The following ESYT2 variants were observed in gnomAD, a reference collection of about 807,000 sequenced individuals.
The protein encoded by ESYT2 is extended synaptotagmin-2.
Under a neutral mutation model 107.2 loss-of-function variants are expected in ESYT2, and 54 were observed. That is an observed-to-expected ratio of 0.50 (90% confidence interval 0.40 to 0.63). The LOEUF is 0.63. Ranked by LOEUF, ESYT2 falls within the 30% of genes least tolerant of loss-of-function variation. The pLI is 0.00. For synonymous variants in ESYT2, 491 were observed against 434.1 expected, an observed-to-expected ratio of 1.13 and a Z score of -1.63; for missense variants, 1,020 against 1,094.5, an observed-to-expected ratio of 0.93 and a Z score of 0.96.
chr7:158,776,078 T>A (rs1270020563), intron 6 of ESYT2, among the ~76,000 whole-genome samples: 1 of 152,088 alleles, frequency 6.6e-6, no homozygotes, highest in Admixed American at 6.6e-5. Flanking sequence ...TGAGGGACTC[T>A]TTTTTTTCTG....
At chr7:158,748,024 C>G (rs7787985) in intron 16 of ESYT2, among the ~76,000 whole-genome samples, 170 bp downstream of exon 16, 3,651 of 152,282 alleles carry the variant, frequency 0.024, 149 homozygotes, top group African/African-American at 0.083. Flanking sequence ...AAAGGCAGGT[C>G]TGTGTTTGCC....
At chr7:158,746,196 T>C (rs1837393581) in intron 16 of ESYT2, among the ~76,000 whole-genome samples, 2 of 150,708 alleles carry the variant, frequency 1.3e-5, no homozygotes, top group South Asian at 4.2e-4. Flanking sequence ...GCCTGGGCAA[T>C]GTGGTGAAAC....
chr7:158,794,675 C>A (rs1839408320), intron 3 of ESYT2, among the ~76,000 whole-genome samples: 1 of 149,800 alleles, frequency 6.7e-6, no homozygotes, highest in Non-Finnish European at 1.5e-5. Flanking sequence ...ACTCGGGAGG[C>A]TGTGGTAGGG....
chr7:158,799,682 C>G (rs139246108), intron 1 of ESYT2, among the ~76,000 whole-genome samples: 1 of 152,300 alleles, frequency 6.6e-6, no homozygotes, highest in East Asian at 1.9e-4. Flanking sequence ...TTCCCTTTTG[C>G]TTTTCTCTTT....
chr7:158,740,949 G>C (rs967676761), intron 18 of ESYT2, among the ~76,000 whole-genome samples: 8 of 152,082 alleles, frequency 5.3e-5, no homozygotes, highest in African/African-American at 1.9e-4. Context: ...TCCACCAAGA[G>C]GAAAAGGTTA....
intron 9 of ESYT2, among the ~76,000 whole-genome samples, chr7:158,763,949 G>A (rs918790055): frequency 5.9e-5 from 9 of 152,260 alleles, no homozygotes; most frequent in East Asian, 1.9e-4. Flanking sequence ...GAGAGGAGTC[G>A]TACGGTGAAG....
At chr7:158,795,470 G>T (rs1423355675) in intron 3 of ESYT2, among the ~76,000 whole-genome samples, 1 of 152,192 alleles carries the variant, frequency 6.6e-6, no homozygotes, top group African/African-American at 2.4e-5. Flanking sequence ...GGCATAACAG[G>T]CTAAATGTGC....
At chr7:158,742,954 G>A (rs577601404) in intron 17 of ESYT2, among the ~76,000 whole-genome samples, 1 of 152,166 alleles carries the variant, frequency 6.6e-6, no homozygotes, top group Non-Finnish European at 1.5e-5. Context: ...CTCAATAGAA[G>A]ACATTTGTAA....
chr7:158,743,845 C>T (rs949487614), intron 16 of ESYT2, 167 bp from the exon 17 acceptor site: 2 of 652,858 alleles, frequency 3.1e-6, no homozygotes, highest in Non-Finnish European at 4.8e-6. Flanking sequence ...CTTTGGGAGG[C>T]TCAGATCACC....
intron 6 of ESYT2, among the ~76,000 whole-genome samples, chr7:158,780,942 G>A (rs1838759374): frequency 6.6e-6 from 1 of 152,188 alleles, no homozygotes; most frequent in Non-Finnish European, 1.5e-5. Flanking sequence ...GTGAGAATGT[G>A]TGTGAGACAA....
intron 6 of ESYT2, among the ~76,000 whole-genome samples, chr7:158,781,944 C>T (rs543176359): frequency 5.5e-5 from 8 of 146,282 alleles, no homozygotes; most frequent in East Asian, 4.1e-4. Context: ...AGTGTAAGAA[C>T]GAGAACAAGT....
At chr7:158,796,949 GACAGAGACA>G (rs1563026316) in intron 3 of ESYT2, among the ~76,000 whole-genome samples, 20 of 149,324 alleles carry the variant, frequency 1.3e-4, no homozygotes, top group African/African-American at 4.5e-4. Context: ...GAGCCTGAGT[GACAGAGACA>G]GGAAGGGGCA....
chr7:158,747,267 A>G (rs1837436672), intron 16 of ESYT2, among the ~76,000 whole-genome samples: 1 of 152,000 alleles, frequency 6.6e-6, no homozygotes, highest in Admixed American at 6.6e-5. Flanking sequence ...GAATCACTTG[A>G]ACCCAGGAGG....
chr7:158,799,697 C>T lies in ESYT2; in HGVS notation c.331-625G>A, dbSNP rs562091757. On this transcript the variant is annotated intron_variant, in intron 1 of 22. Coordinates refer to ENST00000275418, the MANE Select transcript of ESYT2 (RefSeq NM_001367773.1). ...TTCCCTTTTGCTTTTCTCTTTTGGC[C>T]CAAACCAGCTAAGAGACACCTTTCC... 2.1e-4 allele frequency among the ~76,000 whole-genome samples: 32 copies of T among 152,236 alleles called. No homozygotes were observed. In the South Asian group the frequency reaches 6.2e-3, roughly 30 times the overall value.
In ESYT2 at chr7:158,772,227, G is replaced by T. The variant is rs113836789; in HGVS notation, c.803+1114C>A. 9.3e-3 allele frequency among the ~76,000 whole-genome samples: 1,408 copies of T among 152,068 alleles called. 18 individuals are homozygous for T. Among genetic ancestry groups the T allele is most frequent in the African/African-American group, 0.03 (1,262 of 41,476 alleles). On this transcript the variant is annotated intron_variant, in intron 7 of 22. Coordinates refer to ENST00000275418, the MANE Select transcript of ESYT2 (RefSeq NM_001367773.1). ...TGAACTCTTTAACCAATCTTTTAAA[G>T]TTGTGCTTTCTTTCCGCAGATCTTT...
chr7:158,743,576 T>G lies in ESYT2; in HGVS notation c.1747A>C (p.Ser583Arg). 6.2e-7 allele frequency: 1 copy of G among 1,612,424 alleles called. No individual in the cohort carries two copies. Among genetic ancestry groups the G allele is most frequent in the Non-Finnish European group, 8.5e-7 (1 of 1,179,552 alleles). Residue 583 changes from serine to arginine, a missense_variant, in exon 17 of 23, where the codon AGT (serine) becomes CGT (arginine). By Grantham distance (110) the Ser-to-Arg change is moderately radical. Coordinates refer to ENST00000275418, the MANE Select transcript of ESYT2 (RefSeq NM_001367773.1). ...DMTVSQRFQL[S>R]NSGPNSTIKM... The stretch of plus-strand genomic sequence containing the variant: ...ATGGTGCTGTTTGGACCCGAGTTAC[T>G]GAGCTGGAAGCGCTGGCTCACAGTC...
intron 6 of ESYT2, among the ~76,000 whole-genome samples, chr7:158,778,542 TCTC>T (rs1838651610): frequency 6.6e-6 from 1 of 151,564 alleles, no homozygotes; most frequent in African/African-American, 2.4e-5. Context: ...AATAAAAGAA[TCTC>T]CTCCTATTCC....
At chr7:158,741,961 A>G in intron 17 of ESYT2, 65 bp from the exon 18 acceptor site, 1 of 1,476,516 alleles carries the variant, frequency 6.8e-7, no homozygotes. Context: ...ATACTGGAAC[A>G]GCCTGGGATG....
intron 4 of ESYT2, among the ~76,000 whole-genome samples, chr7:158,788,700 A>G (rs1839188695): frequency 6.6e-6 from 1 of 152,236 alleles, no homozygotes; most frequent in Admixed American, 6.5e-5. Context: ...ACACTTAACT[A>G]AATATAAATG....
Sources: gnomAD v4.1 joint callset for allele counts (sites outside exome capture counted in the v4.1 genomes callset) on GRCh38, gnomAD v4.1.1 for gene constraint, MANE v1.5 for transcripts, NCBI Gene and HGNC (gene_info 2026-07-23, HGNC 2026-07-21) for gene names.